The following OPN3 variants were observed in gnomAD, a reference collection of about 807,000 sequenced individuals.
OPN3 encodes the protein opsin-3.
In OPN3, 29 loss-of-function variants were observed where a neutral mutation model predicts 33.8. The observed-to-expected ratio is 0.86, with a 90% CI of 0.64 to 1.17. The LOEUF is 1.17. OPN3 is among the 50% of genes most tolerant of loss of function. The probability of loss-of-function intolerance (pLI) is 0.00; values close to 1 mark genes in which losing one functional copy is unlikely to be tolerated. For synonymous variants in OPN3, 216 were observed against 216.1 expected (o/e 1.00, Z 0.00); for missense variants, 437 against 514.1 (o/e 0.85, Z 1.45).
intron 1 of OPN3, chr1:241,634,758 G>A (rs1281127918): frequency 2.5e-6 from 4 of 1,613,864 alleles, no homozygotes; most frequent in Non-Finnish European, 3.4e-6. Flanking sequence ...AGTACAAAAT[G>A]TTGAAGGTTG....
chr1:241,635,534 T>C (rs764793918), intron 1 of OPN3: 2 of 1,613,936 alleles, frequency 1.2e-6, no homozygotes, highest in East Asian at 4.5e-5. Flanking sequence ...ATGGATCAGG[T>C]CCTGCCATAC....
At chr1:241,604,701 A>G (rs1006571896) in intron 1 of OPN3, 122 bp from the exon 2 acceptor site, 13 of 855,592 alleles carry the variant, frequency 1.5e-5, no homozygotes, top group Non-Finnish European at 2.1e-5. Flanking sequence ...AGTGCTCTCA[A>G]AGCCAAGAGT....
intron 2 of OPN3, among the ~76,000 whole-genome samples, chr1:241,598,278 A>T (rs1205490334): frequency 6.6e-6 from 1 of 152,116 alleles, no homozygotes; most frequent in African/African-American, 2.4e-5. Flanking sequence ...TTACTTAATA[A>T]GAATAACATT....
chr1:241,606,557 A>AT (rs1475275953), intron 1 of OPN3, among the ~76,000 whole-genome samples: 1 of 148,588 alleles, frequency 6.7e-6, no homozygotes, highest in Non-Finnish European at 1.5e-5. Flanking sequence ...AAATAAATAA[A>AT]TAAATAAATA....
rs1665069622 is a variant in OPN3, at chr1:241,640,200, C to G, written c.55G>C (p.Ala19Pro). ...GHGYWDGGGA[A>P]GAEGPAPAGT... is the part of the protein sequence containing the mutation. ...GCCGGCGCCGGCCCCTCAGCGCCCG[C>G]GGCCCCGCCGCCGTCCCAGTAGCCG... Residue 19 changes from alanine (A) to proline (P), a missense_variant, in exon 1 of 4, where the codon GCG becomes CCG. By Grantham distance (27) the Ala-to-Pro change is conservative. Coordinates refer to ENST00000366554, the MANE Select transcript of OPN3 (RefSeq NM_014322.3). The G allele has an allele frequency of 2.1e-5, 28 of 1,365,322 alleles. No homozygotes were observed. Among genetic ancestry groups the G allele is most frequent in the Non-Finnish European group, 2.5e-5 (27 of 1,065,916 alleles). 84.6% of individuals were successfully genotyped at this position (1,365,322 alleles called of 1,614,324 possible).
chr1:241,609,991 A>T (rs1245402162), intron 1 of OPN3, among the ~76,000 whole-genome samples: 8 of 152,228 alleles, frequency 5.3e-5, no homozygotes, highest in Non-Finnish European at 1.0e-4. Flanking sequence ...CCATATTTAA[A>T]CTGTGACATC....
intron 3 of OPN3, 127 bp from the exon 4 acceptor site, chr1:241,594,818 G>A: frequency 9.8e-7 from 1 of 1,025,078 alleles, no homozygotes; most frequent in South Asian, 1.6e-5. Context: ...TGGATGTGGG[G>A]TTATGTGGTC....
intron 1 of OPN3, among the ~76,000 whole-genome samples, chr1:241,606,569 A>ATAAG (rs1467539722): frequency 1.3e-5 from 2 of 150,182 alleles, no homozygotes; most frequent in Admixed American, 6.6e-5. Flanking sequence ...AAATAAATAA[A>ATAAG]TAAATAAATA....
chr1:241,602,970 T>C (rs1414332867), intron 2 of OPN3, among the ~76,000 whole-genome samples: 3 of 152,008 alleles, frequency 2.0e-5, no homozygotes, highest in Admixed American at 1.3e-4. Flanking sequence ...GAGTTAGCAG[T>C]GACAAAATGG....
At chr1:241,619,034 A>G (rs996790753) in intron 1 of OPN3, among the ~76,000 whole-genome samples, 2 of 152,008 alleles carry the variant, frequency 1.3e-5, no homozygotes, top group Non-Finnish European at 2.9e-5. Flanking sequence ...GAGACAGTAC[A>G]TACTTACAAT....
chr1:241,613,582 C>T (rs1454082614), intron 1 of OPN3, among the ~76,000 whole-genome samples: 1 of 152,086 alleles, frequency 6.6e-6, no homozygotes, highest in Non-Finnish European at 1.5e-5. Context: ...TTTTTTTAAA[C>T]TCAATATTCT....
In OPN3 at chr1:241,597,827, T is replaced by C. The variant is rs1157321455; in HGVS notation, c.864A>G (p.Pro288=). The change falls in exon 3 of 4, where the codon CCA becomes CCG. Residue 288 remains proline (P), a synonymous_variant. Coordinates refer to ENST00000366554, the MANE Select transcript of OPN3 (RefSeq NM_014322.3). ...AGAGGTACGAAACAATAGATATTGT[T>C]GGAGTGACCAGGTGACCATGACCAT... ...VVNGHGHLVT[P]TISIVSYLFA... is the part of the protein sequence containing the mutation. 10 of 1,613,922 alleles carry C rather than the reference T, an allele frequency of 6.2e-6. No homozygotes were observed. The highest frequency in any genetic ancestry group is 7.6e-6 in the Non-Finnish European group (9 of 1,179,958).
intron 1 of OPN3, 140 bp downstream of exon 1, chr1:241,639,741 GC>G: frequency 2.4e-6 from 2 of 841,762 alleles, no homozygotes; most frequent in Non-Finnish European, 3.4e-6. Context: ...CGAGCGGGGA[GC>G]GGGGCGGTGT....
intron 1 of OPN3, among the ~76,000 whole-genome samples, chr1:241,621,545 G>A (rs1664268104): frequency 6.6e-6 from 1 of 152,198 alleles, no homozygotes; most frequent in Non-Finnish European, 1.5e-5. Flanking sequence ...AGAAGCAGCA[G>A]TGATATTTAA....
intron 1 of OPN3, chr1:241,630,509 C>T (rs573356307): frequency 6.6e-5 from 10 of 152,038 alleles, no homozygotes; most frequent in South Asian, 2.1e-4. Context: ...TTTGTTAGTA[C>T]ATTTTTATAC....
chr1:241,640,169 G>A lies in OPN3; in HGVS notation c.86C>T (p.Thr29Ile). 4 of 1,437,552 alleles carry A rather than the reference G, an allele frequency of 2.8e-6. No homozygotes were observed. Among genetic ancestry groups the A allele is most frequent in the Non-Finnish European group, 3.6e-6 (4 of 1,099,380 alleles). The allele number at this position is 1,437,552 out of a possible 1,614,324, so 89.0% of individuals were successfully genotyped here. A position where few individuals can be genotyped will look rare whatever the true frequency, so the allele number is the denominator to read the frequency against. ...GCTGAAGAGGGGCGCGGGGCTCAGT[G>A]TCCCCGCCGGCGCCGGCCCCTCAGC... Reference protein sequence around the residue: ...AGAEGPAPAGTLSPAPLFSPG... With the variant: ...AGAEGPAPAGILSPAPLFSPG... Residue 29 changes from threonine to isoleucine, a missense_variant, in exon 1 of 4, where the codon ACA becomes ATA. Transcript: ENST00000366554.
intron 2 of OPN3, among the ~76,000 whole-genome samples, 171 bp downstream of exon 2, chr1:241,604,089 C>A (rs1026842524): frequency 7.9e-5 from 12 of 152,134 alleles, no homozygotes; most frequent in African/African-American, 2.4e-4. Context: ...CCGCATTGAT[C>A]TTTCCAGAGA....
rs869168725 is a variant in OPN3, at chr1:241,605,069, AT to A, written c.374-491del. The stretch of plus-strand genomic sequence containing the variant: ...AGACCTTATCTCAAAAAAAAAAAAA[AT>A]AAAATAAAATAAAATGGAAAATGCC... On this transcript the variant is annotated intron_variant, in intron 1 of 3. Coordinates refer to ENST00000366554, the MANE Select transcript of OPN3 (RefSeq NM_014322.3). Among the ~76,000 whole-genome samples the A allele has an allele frequency of 2.1e-5, 3 of 141,198 alleles. No individual in the cohort carries two copies. In the South Asian group the frequency reaches 7.0e-4, roughly 33 times the overall value. 92.6% of individuals were successfully genotyped at this position (141,198 alleles called of 152,430 possible).
At chr1:241,607,560 G>GAAGA (rs367761048) in intron 1 of OPN3, among the ~76,000 whole-genome samples, 74 of 88,150 alleles carry the variant, frequency 8.4e-4, no homozygotes, top group Middle Eastern at 5.6e-3. Context: ...AGGAAGGAAG[G>GAAGA]AAGAAAGAAA....
Sources: gnomAD v4.1 joint callset for allele counts (sites outside exome capture counted in the v4.1 genomes callset) on GRCh38, gnomAD v4.1.1 for gene constraint, MANE v1.5 for transcripts, NCBI Gene and HGNC (gene_info 2026-07-23, HGNC 2026-07-21) for gene names.